The following VWA3B variants were observed in gnomAD, a reference collection of about 807,000 sequenced individuals.
The protein encoded by VWA3B is von Willebrand factor A domain-containing protein 3B.
Under a neutral mutation model 158.3 loss-of-function variants are expected in VWA3B, and 138 were observed. That is an observed-to-expected ratio of 0.87 (90% CI 0.76 to 1.00). The LOEUF is 1.00. Among genes scored for constraint, VWA3B ranks in the 50% least tolerant of loss-of-function variants. VWA3B has a pLI of 0.00. For missense variants in VWA3B, 1,555 were observed against 1,565.1 expected (o/e 0.99, Z 0.11); for synonymous variants, 596 against 587.3 (o/e 1.01, Z -0.21).
At chr2:98,165,276 G>A (rs955062596) in intron 8 of VWA3B, among the ~76,000 whole-genome samples, 1 of 152,168 alleles carries the variant, frequency 6.6e-6, no homozygotes, top group African/African-American at 2.4e-5. Flanking sequence ...TATTATCTCC[G>A]TTTTGGCTTC....
chr2:98,187,659 T>C (rs1203379562), intron 9 of VWA3B, among the ~76,000 whole-genome samples: 11 of 99,194 alleles, frequency 1.1e-4, no homozygotes, highest in African/African-American at 4.8e-4. Context: ...TCTCCGTCTC[T>C]GTGTCTGTGT....
At chr2:98,322,723 A>C in the VWA3B span, among the ~76,000 whole-genome samples, 1 of 152,250 alleles carries the variant, frequency 6.6e-6, no homozygotes, top group Admixed American at 6.5e-5. Flanking sequence ...CTAGAAAAAC[A>C]GATGGAAATT....
chr2:98,096,684 T>C (rs1418410841), intron 2 of VWA3B, among the ~76,000 whole-genome samples: 1 of 152,234 alleles, frequency 6.6e-6, no homozygotes, highest in Non-Finnish European at 1.5e-5. Context: ...TTCATTTCTT[T>C]TAGGTTATCT....
chr2:98,310,402 A>G (rs1484203791), intron 26 of VWA3B, among the ~76,000 whole-genome samples: 1 of 152,146 alleles, frequency 6.6e-6, no homozygotes, highest in East Asian at 1.9e-4. Flanking sequence ...GGGGGTAGGC[A>G]TCTCCCTACC....
Position 98,194,505 on chromosome 2 carries a change from C to G in VWA3B, c.1737+13C>G. ...TAGAGACATAAAGGTAAGTTGGAGA[C>G]TAAGCTGGGAGAAGCATCCTAGGAG... On this transcript the variant is annotated intron_variant, in intron 12 of 27. Transcript: ENST00000477737. 2.5e-6 allele frequency: 4 copies of G among 1,612,828 alleles called. No individual in the cohort carries two copies. The highest frequency in any genetic ancestry group is 3.4e-6 in the Non-Finnish European group (4 of 1,179,022).
At chr2:98,091,493 C>T (rs1682291040) in intron 1 of VWA3B, among the ~76,000 whole-genome samples, 1 of 152,150 alleles carries the variant, frequency 6.6e-6, no homozygotes, top group Non-Finnish European at 1.5e-5. Context: ...TTAACTCCAC[C>T]CCTTACCAGT....
At chr2:98,113,855 C>G (rs573198356) in intron 2 of VWA3B, among the ~76,000 whole-genome samples, 67 of 152,124 alleles carry the variant, frequency 4.4e-4, no homozygotes, top group African/African-American at 1.4e-3. Context: ...TTCCTTTTTG[C>G]GACCATATGT....
chr2:98,216,622 G>C, intron 13 of VWA3B: 2 of 442,094 alleles, frequency 4.5e-6, no homozygotes, highest in Non-Finnish European at 9.4e-6. Context: ...AGCCCTGGCT[G>C]CACAGCTGTT....
At chr2:98,305,916 C>T (rs1332823323) in intron 26 of VWA3B, among the ~76,000 whole-genome samples, 1 of 152,106 alleles carries the variant, frequency 6.6e-6, no homozygotes, top group African/African-American at 2.4e-5. Flanking sequence ...TCCCCATCAC[C>T]CCTTCTTATC....
At chr2:98,207,333 G>T in intron 12 of VWA3B, 2 of 486,690 alleles carry the variant, frequency 4.1e-6, no homozygotes, top group South Asian at 1.6e-5. Context: ...ATCTACATGT[G>T]GATCCTCTGG....
chr2:98,245,691 G>A (rs1032736041), intron 19 of VWA3B: 1 of 416,942 alleles, frequency 2.4e-6, no homozygotes, highest in Non-Finnish European at 5.0e-6. Flanking sequence ...TTGCTTAGTG[G>A]TATTGATTCA....
intron 13 of VWA3B, among the ~76,000 whole-genome samples, chr2:98,217,191 C>T (rs959587437): frequency 6.6e-6 from 1 of 152,158 alleles, no homozygotes; most frequent in Non-Finnish European, 1.5e-5. Context: ...ATCCTCAGAG[C>T]TTTGAAGAGC....
At chr2:98,112,655 T>C (rs1237207538) in intron 2 of VWA3B, among the ~76,000 whole-genome samples, 1 of 152,030 alleles carries the variant, frequency 6.6e-6, no homozygotes, top group East Asian at 1.9e-4. Context: ...GCACTGGATT[T>C]ATCGAGCTTC....
chr2:98,180,902 A>G, intron 8 of VWA3B, 114 bp from the exon 9 acceptor site: 2 of 1,086,216 alleles, frequency 1.8e-6, no homozygotes, highest in East Asian at 2.6e-5. Flanking sequence ...TCTGAAATGA[A>G]ACATGGGCTT....
chr2:98,242,281 G>A (rs371166548), intron 19 of VWA3B: 56 of 456,052 alleles, frequency 1.2e-4, no homozygotes, highest in East Asian at 5.6e-4. Flanking sequence ...GCCTCAAATC[G>A]GTCACCTTGG....
At chr2:98,278,007 CCTAA>C (rs1354976555) in intron 22 of VWA3B, among the ~76,000 whole-genome samples, 1 of 151,914 alleles carries the variant, frequency 6.6e-6, no homozygotes, top group Non-Finnish European at 1.5e-5. Context: ...GGCATTACAC[CCTAA>C]CTGACTAGTC....
chr2:98,296,655 A>C (rs1689817190), intron 23 of VWA3B, among the ~76,000 whole-genome samples: 1 of 152,216 alleles, frequency 6.6e-6, no homozygotes, highest in African/African-American at 2.4e-5. Flanking sequence ...GCTGCAGCAC[A>C]TGCCGTGGAG....
At chr2:98,192,757 C>T (rs537911751) in intron 10 of VWA3B, 141 bp from the exon 11 acceptor site, 21 of 1,177,194 alleles carry the variant, frequency 1.8e-5, no homozygotes, top group Middle Eastern at 2.8e-4. Flanking sequence ...AACCTCAAAG[C>T]GAATGATCTA....
At chr2:98,180,072 CTT>C (rs1284526018) in intron 8 of VWA3B, among the ~76,000 whole-genome samples, 1 of 145,848 alleles carries the variant, frequency 6.9e-6, no homozygotes, top group Non-Finnish European at 1.5e-5. Context: ...CTCTTTCTCT[CTT>C]TCTTTCTTTC....
Sources: gnomAD v4.1 joint callset for allele counts (sites outside exome capture counted in the v4.1 genomes callset) on GRCh38, gnomAD v4.1.1 for gene constraint, MANE v1.5 for transcripts, NCBI Gene and HGNC (gene_info 2026-07-23, HGNC 2026-07-21) for gene names.